ACACB: variants seen among roughly 807,000 people sequenced by gnomAD.
ACACB encodes the protein acetyl-CoA carboxylase beta.
A neutral mutation model predicts 278.8 loss-of-function variants in ACACB; 209 were observed. That is an observed-to-expected ratio of 0.75 (90% CI 0.67 to 0.84). The LOEUF is 0.84. ACACB is among the 40% of genes least tolerant of loss of function. ACACB has a pLI of 0.00. For synonymous variants in ACACB, 1,174 were observed against 1,285.6 expected (o/e 0.91, Z 1.86); for missense variants, 2,850 against 3,269.0 (o/e 0.87, Z 3.13).
chr12:109,221,397 G>T (rs1372299636), intron 24 of ACACB, among the ~76,000 whole-genome samples: 1 of 152,138 alleles, frequency 6.6e-6, no homozygotes, highest in Non-Finnish European at 1.5e-5. Flanking sequence ...ATCTTCAGTG[G>T]GTGGTTAGGG....
Position 109,199,388 on chromosome 12 carries a change from C to T in ACACB, c.2628-14C>T, listed in dbSNP as rs1372016528. ...CCTCATCAGTCTCCCTACCCGACTC[C>T]TCCTCTCTCCCAGTTACCGAATTAC... On this transcript the variant is annotated splice_polypyrimidine_tract_variant and intron_variant, in intron 17 of 52. Coordinates refer to ENST00000338432, the MANE Select transcript of ACACB (RefSeq NM_001093.4). The T allele has an allele frequency of 1.8e-5, 27 of 1,463,720 alleles. No homozygotes were observed. Among genetic ancestry groups the T allele is most frequent in the Non-Finnish European group, 2.5e-5 (27 of 1,101,192 alleles). 90.7% of individuals were successfully genotyped at this position (1,463,720 alleles called of 1,614,324 possible). A position where few individuals can be genotyped will look rare whatever the true frequency, so the allele number is the denominator to read the frequency against.
rs184303092 is a variant in ACACB at position 109,191,842 on chromosome 12, C to G, written c.2296-5C>G. The G allele has an allele frequency of 3.7e-5, 59 of 1,614,178 alleles. 1 individual carries two copies. In the East Asian group the frequency reaches 1.2e-3, roughly 34 times the overall value. Reference sequence around the variant, plus strand: ...CTGAGGATACTGAAGTGCATTTTCTCCTAGGCGGAGAAACCGGATATCATG... The same window carrying G: ...CTGAGGATACTGAAGTGCATTTTCTGCTAGGCGGAGAAACCGGATATCATG... On this transcript the variant is annotated splice_region_variant and splice_polypyrimidine_tract_variant and intron_variant, in intron 14 of 52. Transcript: ENST00000338432.
intron 41 of ACACB, among the ~76,000 whole-genome samples, chr12:109,251,830 T>G (rs2047103614): frequency 6.6e-6 from 1 of 152,206 alleles, no homozygotes; most frequent in African/African-American, 2.4e-5. Context: ...TACAGCAATC[T>G]TTGTTAACCA....
At chr12:109,245,292 A>G (rs946856063) in intron 37 of ACACB, among the ~76,000 whole-genome samples, 1 of 152,152 alleles carries the variant, frequency 6.6e-6, no homozygotes, top group African/African-American at 2.4e-5. Context: ...ATAAAGGAAA[A>G]TGAAAAAAAA....
At chr12:109,247,060 C>T (rs1016105546) in intron 39 of ACACB, among the ~76,000 whole-genome samples, 5 of 151,776 alleles carry the variant, frequency 3.3e-5, no homozygotes, top group African/African-American at 4.8e-5. Flanking sequence ...CCAGACTGGG[C>T]AACTGAGTGA....
At chr12:109,201,979 T>C (rs907435618) in intron 19 of ACACB, among the ~76,000 whole-genome samples, 1 of 152,168 alleles carries the variant, frequency 6.6e-6, no homozygotes, top group Non-Finnish European at 1.5e-5. Flanking sequence ...TGTTCCCTGC[T>C]TTCTTCTCTG....
chr12:109,240,414 T>C (rs956801802), intron 35 of ACACB, among the ~76,000 whole-genome samples: 1 of 151,922 alleles, frequency 6.6e-6, no homozygotes, highest in African/African-American at 2.4e-5. Context: ...CCCAGTACTT[T>C]GGGAGGCTGA....
At chr12:109,220,575 A>G (rs113102871) in intron 24 of ACACB, among the ~76,000 whole-genome samples, 7,203 of 152,230 alleles carry the variant, frequency 0.047, 232 homozygotes, top group African/African-American at 0.091. Context: ...TTTTCGAGAC[A>G]GAGTCTTGCT....
chr12:109,233,721 G>A, intron 29 of ACACB, 27 bp from the exon 30 acceptor site: 1 of 1,601,454 alleles, frequency 6.2e-7, no homozygotes, highest in Non-Finnish European at 8.5e-7. Context: ...CAGCCCCTCA[G>A]CCCTCCCTCT....
intron 28 of ACACB, among the ~76,000 whole-genome samples, chr12:109,228,152 A>G (rs2046368673): frequency 1.3e-5 from 2 of 151,722 alleles, no homozygotes; most frequent in African/African-American, 4.8e-5. Flanking sequence ...CCTGGCCAAC[A>G]TGGTGAAACC....
chr12:109,259,012 G>A lies in ACACB; in HGVS notation c.6400G>A (p.Ala2134Thr), dbSNP rs369413010. ...AGGACAGGTGTGGTTCCCAGACTCA[G>A]CCTACAAAACCGCCCAGGCCGTCAA... ...QAGQVWFPDS[A>T]YKTAQAVKDF... The change falls in exon 47 of 53, where the codon GCC becomes ACC. Residue 2134 changes from alanine to threonine, a missense_variant. By Grantham distance (58) the Ala-to-Thr change is moderately conservative. Coordinates refer to ENST00000338432, the MANE Select transcript of ACACB (RefSeq NM_001093.4). 1.1e-5 allele frequency: 18 copies of A among 1,614,050 alleles called. No individual in the cohort carries two copies. The African/African-American group carries it at 1.3e-4, about 12-fold the overall frequency.
Position 109,262,392 on chromosome 12 carries a change from T to A in ACACB, c.6710T>A (p.Ile2237Asn), listed in dbSNP as rs748306546. ...CTGGAACCAGAGGGGACAGTGGAGA[T>A]TAAGTTCCGAAAGAAAGATCTGATA... ...GVLEPEGTVE[I>N]KFRKKDLIKS... Residue 2237 changes from isoleucine to asparagine, a missense_variant, in exon 49 of 53, where the codon ATT becomes AAT. Ile to Asn is a moderately radical substitution (Grantham distance 149). Coordinates refer to ENST00000338432, the MANE Select transcript of ACACB (RefSeq NM_001093.4). The A allele has an allele frequency of 1.2e-6, 2 of 1,613,458 alleles. No homozygotes were observed. Among genetic ancestry groups the A allele is most frequent in the African/African-American group, 1.3e-5 (1 of 74,916 alleles).
chr12:109,127,222 A>G (rs1037251348), intron 1 of ACACB, among the ~76,000 whole-genome samples: 4 of 152,136 alleles, frequency 2.6e-5, no homozygotes, highest in Non-Finnish European at 4.4e-5. Context: ...GTCGAATGCC[A>G]TGTATACCTC....
intron 48 of ACACB, among the ~76,000 whole-genome samples, chr12:109,261,088 C>T (rs555460949): frequency 3.3e-5 from 5 of 152,288 alleles, no homozygotes; most frequent in East Asian, 1.9e-4. Flanking sequence ...AGGTAACCTC[C>T]TTGGCACTTT....
chr12:109,209,266 C>T lies in ACACB; in HGVS notation c.3162C>T (p.Pro1054=), dbSNP rs368916430. 7.8e-5 allele frequency: 126 copies of T among 1,612,212 alleles called. 1 individual carries two copies. Among genetic ancestry groups the T allele is most frequent in the African/African-American group, 3.1e-4 (23 of 74,924 alleles). Reference sequence around the variant, plus strand: ...TGACCAGCGTGGCAGGCCGCATCCCCGCCCCTGTGGAGAAGTCTGTCCGCA... The same window carrying T: ...TGACCAGCGTGGCAGGCCGCATCCCTGCCCCTGTGGAGAAGTCTGTCCGCA... ...EIMTSVAGRI[P]APVEKSVRRV... The change falls in exon 21 of 53, where the codon CCC becomes CCT. Residue 1054 remains proline, a synonymous_variant. Transcript: ENST00000338432.
chr12:109,154,055 T>C (rs1277435206), intron 2 of ACACB, among the ~76,000 whole-genome samples: 1 of 152,238 alleles, frequency 6.6e-6, no homozygotes, highest in Non-Finnish European at 1.5e-5. Context: ...AGTTTCCTTA[T>C]CTGTATTATA....
At chr12:109,132,743 G>A (rs760193991) in intron 1 of ACACB, among the ~76,000 whole-genome samples, 6 of 152,110 alleles carry the variant, frequency 3.9e-5, no homozygotes, top group Admixed American at 6.5e-5. Flanking sequence ...GTGACCTTTG[G>A]GTCCCACGTC....
In ACACB at chr12:109,139,923, A is replaced by G. The variant is rs757611160; in HGVS notation, c.518A>G (p.Tyr173Cys). 1 of 1,613,872 alleles carries G rather than the reference A, an allele frequency of 6.2e-7. No individual in the cohort carries two copies. The highest frequency in any genetic ancestry group is 8.5e-7 in the Non-Finnish European group (1 of 1,179,978). The part of the protein sequence containing the change: ...TNFILGSFDD[Y>C]SSDEDSVAGS... ...TTCATCCTGGGCTCTTTTGATGACT[A>G]CTCCTCCGACGAGGACTCTGTTGCT... The change falls in exon 2 of 53, where the codon TAC becomes TGC. Residue 173 changes from tyrosine (Y) to cysteine (C), a missense_variant. This residue lies in a region of ACACB where 2,265 missense variants were observed against 2,561.3 expected (regional missense o/e 0.88). Coordinates refer to ENST00000338432, the MANE Select transcript of ACACB (RefSeq NM_001093.4).
Position 109,265,215 on chromosome 12 carries a change from C to T in ACACB, c.7048C>T (p.Leu2350=), listed in dbSNP as rs1452569792. Residue 2350 remains leucine (L), a synonymous_variant, in exon 51 of 53, where the codon CTG becomes TTG. Transcript: ENST00000338432. ...GGAGATCCTGCAGGCCAGCGGGGAGCTGAGTCACGTGCATATCCAGTCCAT... is the reference window on the plus strand; with the variant it reads ...GGAGATCCTGCAGGCCAGCGGGGAGTTGAGTCACGTGCATATCCAGTCCAT... The part of the protein sequence containing the change: ...KQEILQASGE[L]SHVHIQSMLR... 1.2e-6 allele frequency: 2 copies of T among 1,613,692 alleles called. No homozygotes were observed. Among genetic ancestry groups the T allele is most frequent in the African/African-American group, 1.3e-5 (1 of 75,070 alleles).
Sources: allele counts gnomAD v4.1 joint callset (sites outside exome capture counted in the v4.1 genomes callset), GRCh38; gene constraint gnomAD v4.1.1; regional missense constraint gnomAD v4.1.1; transcripts MANE v1.5; gene names NCBI Gene and HGNC (gene_info 2026-07-23, HGNC 2026-07-21).